QKI: variants seen among roughly 807,000 people sequenced by gnomAD.
QKI encodes QKI, KH domain containing RNA binding, also known as KH domain-containing RNA-binding protein QKI.
Under a neutral mutation model 39.0 loss-of-function variants are expected in QKI, and 10 were observed. That is an observed-to-expected ratio of 0.26 (90% CI 0.16 to 0.43). The LOEUF is 0.43. Among genes scored for constraint, QKI ranks in the 20% least tolerant of loss-of-function variants. QKI has a pLI of 1.00. For missense variants in QKI, 218 were observed against 428.0 expected, an observed-to-expected ratio of 0.51 and a Z score of 4.33; for synonymous variants, 204 against 155.4, an observed-to-expected ratio of 1.31 and a Z score of -2.33.
rs1434235482 is a variant in QKI, at chr6:163,574,382, A to T, written c.*3672A>T. 1.3e-5 allele frequency: 2 copies of T among 152,166 alleles called. No individual in the cohort carries two copies. The highest frequency in any genetic ancestry group is 4.8e-5 in the African/African-American group (2 of 41,440). 9.4% of individuals were successfully genotyped at this position (152,166 alleles called of 1,614,324 possible). ...ACTTGTTTAGCTAACTACTCCTATT[A>T]GGGGAGCTTAACTTGGGTAAAGTCA... On this transcript the variant is annotated 3_prime_UTR_variant, in exon 8 of 8. Coordinates refer to ENST00000361752, the MANE Select transcript of QKI (RefSeq NM_006775.3).
In QKI at chr6:163,455,540, C is replaced by G. The variant is rs1016768039; in HGVS notation, c.285+119C>G. 5 of 1,005,202 alleles carry G rather than the reference C, an allele frequency of 5.0e-6. No homozygotes were observed. In the Admixed American group the frequency reaches 9.9e-5, roughly 20 times the overall value. The allele number at this position is 1,005,202 out of a possible 1,614,324, so 62.3% of individuals were successfully genotyped here. On this transcript the variant is annotated intron_variant, in intron 2 of 7. Transcript: ENST00000361752. Reference sequence around the variant, plus strand: ...CACTTTAAAAAAATGCAGTCATCAACTGAAGTGTGAATAATTTGGCATGAT... The same window carrying G: ...CACTTTAAAAAAATGCAGTCATCAAGTGAAGTGTGAATAATTTGGCATGAT...
At chr6:163,549,782 T>C (rs563977661) in intron 4 of QKI, among the ~76,000 whole-genome samples, 4 of 152,346 alleles carry the variant, frequency 2.6e-5, no homozygotes, top group East Asian at 1.9e-4. Flanking sequence ...AATGAACATA[T>C]ATTAGTATGC....
At chr6:163,565,243 C>T in intron 6 of QKI, 1 of 988,194 alleles carries the variant, frequency 1.0e-6, no homozygotes. Flanking sequence ...TATTAATACT[C>T]TGTCCTGTGG....
chr6:163,443,909 T>A (rs1050819087), intron 1 of QKI, among the ~76,000 whole-genome samples: 4 of 152,184 alleles, frequency 2.6e-5, no homozygotes, highest in Non-Finnish European at 5.9e-5. Context: ...ATCGGTTTCA[T>A]TTTCAGTCTG....
chr6:163,500,482 T>C (rs1368925287), intron 3 of QKI, among the ~76,000 whole-genome samples: 1 of 152,206 alleles, frequency 6.6e-6, no homozygotes, highest in Non-Finnish European at 1.5e-5. Flanking sequence ...ATATACAATG[T>C]AATGTTTATA....
At chr6:163,439,684 C>T (rs1159944261) in intron 1 of QKI, among the ~76,000 whole-genome samples, 1 of 138,876 alleles carries the variant, frequency 7.2e-6, no homozygotes, top group Non-Finnish European at 1.5e-5. Flanking sequence ...GAAACAGAGT[C>T]TCACTCTGTT....
At chr6:163,524,102 G>A (rs755344715) in intron 3 of QKI, among the ~76,000 whole-genome samples, 2 of 152,016 alleles carry the variant, frequency 1.3e-5, no homozygotes, top group Non-Finnish European at 2.9e-5. Context: ...TAATAGTCAC[G>A]GTTTATCCCA....
At chr6:163,429,743 A>T (rs759447632) in intron 1 of QKI, among the ~76,000 whole-genome samples, 1 of 152,182 alleles carries the variant, frequency 6.6e-6, no homozygotes, top group Non-Finnish European at 1.5e-5. Context: ...TCAGAGTTGC[A>T]TATTTCATGT....
intron 1 of QKI, among the ~76,000 whole-genome samples, chr6:163,432,859 A>G (rs1438988437): frequency 6.6e-6 from 1 of 152,164 alleles, no homozygotes. Context: ...TTGAAGGGTG[A>G]TTAGTTAAGA....
intron 1 of QKI, among the ~76,000 whole-genome samples, chr6:163,422,842 A>G (rs1163557863): frequency 6.6e-6 from 1 of 152,174 alleles, no homozygotes; most frequent in Non-Finnish European, 1.5e-5. Context: ...CATTGTAGAG[A>G]CTGGGCCTGA....
rs368196224 is a variant in QKI, at chr6:163,525,286, TTCTC to T, written c.403-9683_403-9680del. Among the ~76,000 whole-genome samples, 4 of 144,256 alleles carry T rather than the reference TTCTC, an allele frequency of 2.8e-5. No homozygotes were observed. In the East Asian group the frequency reaches 5.9e-4, roughly 21 times the overall value. The allele number at this position is 144,256 out of a possible 152,430, so 94.6% of individuals were successfully genotyped here. On this transcript the variant is annotated intron_variant, in intron 3 of 7. Transcript: ENST00000361752. ...TGTTTCCTTTTTTTTTTTTTTCCTG[TTCTC>T]TCTCTCTCTCTCCCCTCTCTCCTCT...
At chr6:163,435,910 A>G (rs190508069) in intron 1 of QKI, among the ~76,000 whole-genome samples, 3 of 152,332 alleles carry the variant, frequency 2.0e-5, no homozygotes, top group African/African-American at 7.2e-5. Context: ...GAAAATTTCT[A>G]TTACAGGAAA....
At chr6:163,527,000 G>C (rs975663283) in intron 3 of QKI, among the ~76,000 whole-genome samples, 1 of 151,932 alleles carries the variant, frequency 6.6e-6, no homozygotes, top group African/African-American at 2.4e-5. Context: ...GAAATTATTT[G>C]GCAAAAAACA....
At position 163,573,394 on chromosome 6, in the gene QKI, C is replaced by T. The variant is rs1783811358; in HGVS notation, c.*2684C>T. The T allele has an allele frequency of 6.6e-6, 1 of 151,978 alleles. No homozygotes were observed. Among genetic ancestry groups the T allele is most frequent in the South Asian group, 2.1e-4 (1 of 4,832 alleles). The allele number at this position is 151,978 out of a possible 1,614,324, so 9.4% of individuals were successfully genotyped here. ...TGTATTTTTGTCTATTCTTTATTAT[C>T]TTAGTTTCATGCTATGTATGTACCA... On this transcript the variant is annotated 3_prime_UTR_variant, in exon 8 of 8. Coordinates refer to ENST00000361752, the MANE Select transcript of QKI (RefSeq NM_006775.3).
rs1002955012 is a variant in QKI, at chr6:163,574,818, T to A, written c.*4108T>A. On this transcript the variant is annotated 3_prime_UTR_variant, in exon 8 of 8. Transcript: ENST00000361752. ...ATTTTTGCATTTGTAAATAACAATT[T>A]ATCTTTGTAAATTACATTTTATTTA... 6.6e-6 allele frequency: 1 copy of A among 152,246 alleles called. No homozygotes were observed. The highest frequency in any genetic ancestry group is 1.5e-5 in the Non-Finnish European group (1 of 68,032). The allele number at this position is 152,246 out of a possible 1,614,324, so 9.4% of individuals were successfully genotyped here.
At chr6:163,466,764 A>G (rs1162142379) in intron 2 of QKI, among the ~76,000 whole-genome samples, 1 of 152,156 alleles carries the variant, frequency 6.6e-6, no homozygotes, top group African/African-American at 2.4e-5. Context: ...TGAAACTATA[A>G]AACATGTAGG....
intron 3 of QKI, among the ~76,000 whole-genome samples, chr6:163,519,001 C>T (rs1420007274): frequency 6.6e-6 from 1 of 152,084 alleles, no homozygotes; most frequent in Non-Finnish European, 1.5e-5. Context: ...TATTTATAGT[C>T]TTTTCTTTTT....
intron 2 of QKI, among the ~76,000 whole-genome samples, chr6:163,461,508 A>C (rs552408442): frequency 6.6e-6 from 1 of 152,304 alleles, no homozygotes; most frequent in African/African-American, 2.4e-5. Flanking sequence ...ACGTTTGTCT[A>C]TGGTTTATCT....
intron 2 of QKI, among the ~76,000 whole-genome samples, chr6:163,458,834 G>A (rs985504967): frequency 6.6e-6 from 1 of 152,112 alleles, no homozygotes; most frequent in Non-Finnish European, 1.5e-5. Flanking sequence ...TCTCTACTGT[G>A]TACCAAGCAC....
Sources: gnomAD v4.1 joint callset for allele counts (sites outside exome capture counted in the v4.1 genomes callset) on GRCh38, gnomAD v4.1.1 for gene constraint, MANE v1.5 for transcripts, NCBI Gene and HGNC (gene_info 2026-07-23, HGNC 2026-07-21) for gene names.